AGBL4: variants seen among roughly 807,000 people sequenced by gnomAD.
The protein encoded by AGBL4 is AGBL carboxypeptidase 4, also known as cytosolic carboxypeptidase 6.
A neutral mutation model predicts 66.4 loss-of-function variants in AGBL4; 58 were observed. That is an observed-to-expected ratio of 0.87 (90% CI 0.71 to 1.09). The LOEUF is 1.09. Ranked by LOEUF, AGBL4 falls within the 50% of genes least tolerant of loss-of-function variation. The pLI, the probability that AGBL4 is intolerant of heterozygous loss-of-function variation, is 0.00. For synonymous variants in AGBL4, 234 were observed against 222.9 expected (o/e 1.05, Z -0.44); for missense variants, 579 against 631.0 (o/e 0.92, Z 0.88).
intron 3 of AGBL4, among the ~76,000 whole-genome samples, chr1:49,256,513 A>C (rs1002386177): frequency 6.6e-6 from 1 of 152,200 alleles, no homozygotes; most frequent in Non-Finnish European, 1.5e-5. Context: ...AAACTATAAA[A>C]CATTGTTGAG....
intron 2 of AGBL4, among the ~76,000 whole-genome samples, chr1:49,835,950 G>C (rs1645836810): frequency 6.6e-6 from 1 of 152,220 alleles, no homozygotes; most frequent in African/African-American, 2.4e-5. Flanking sequence ...GAGATCTGCT[G>C]TTAGTTTGAT....
At chr1:49,490,292 C>T (rs1647162386) in intron 3 of AGBL4, among the ~76,000 whole-genome samples, 1 of 151,668 alleles carries the variant, frequency 6.6e-6, no homozygotes, top group South Asian at 2.1e-4. Context: ...GATTTTGCTA[C>T]TTAAATCTGT....
intron 5 of AGBL4, among the ~76,000 whole-genome samples, chr1:48,940,467 T>C (rs1655872915): frequency 1.3e-5 from 2 of 152,300 alleles, no homozygotes; most frequent in South Asian, 4.1e-4. Flanking sequence ...AGACCAGAAC[T>C]AGATCCTTTC....
intron 6 of AGBL4, among the ~76,000 whole-genome samples, chr1:48,809,068 A>G (rs1406553765): frequency 1.3e-5 from 2 of 152,174 alleles, no homozygotes; most frequent in Non-Finnish European, 2.9e-5. Context: ...TTTTGTTCCC[A>G]TGAAGATCCG....
At chr1:49,770,347 C>A (rs1430623454) in intron 2 of AGBL4, among the ~76,000 whole-genome samples, 1 of 152,022 alleles carries the variant, frequency 6.6e-6, no homozygotes, top group Non-Finnish European at 1.5e-5. Context: ...TATGTTGAAC[C>A]ATCTTGTATC....
At chr1:48,569,223 C>T (rs1644522452) in intron 11 of AGBL4, among the ~76,000 whole-genome samples, 1 of 152,186 alleles carries the variant, frequency 6.6e-6, no homozygotes. Flanking sequence ...AGTTTGAGTT[C>T]ATAGAATGTC....
At chr1:49,332,319 A>G (rs1645350829) in intron 3 of AGBL4, among the ~76,000 whole-genome samples, 1 of 152,226 alleles carries the variant, frequency 6.6e-6, no homozygotes, top group South Asian at 2.1e-4. Context: ...GAATAAACAA[A>G]TAACTAGTAA....
intron 11 of AGBL4, among the ~76,000 whole-genome samples, chr1:48,571,194 T>A (rs1644558036): frequency 6.6e-6 from 1 of 152,228 alleles, no homozygotes; most frequent in Admixed American, 6.5e-5. Context: ...GTGAAGTAAC[T>A]TGCCCAAAGT....
chr1:48,541,670 G>A (rs1238129133), intron 11 of AGBL4, among the ~76,000 whole-genome samples: 1 of 152,176 alleles, frequency 6.6e-6, no homozygotes, highest in Non-Finnish European at 1.5e-5. Flanking sequence ...TGGGGAGGCT[G>A]AGGCAGGAGG....
At chr1:49,390,773 G>A (rs907457642) in intron 3 of AGBL4, among the ~76,000 whole-genome samples, 1 of 152,150 alleles carries the variant, frequency 6.6e-6, no homozygotes, top group Non-Finnish European at 1.5e-5. Flanking sequence ...TGGCCCACTA[G>A]CAACTACCTT....
intron 4 of AGBL4, among the ~76,000 whole-genome samples, chr1:49,046,759 C>T (rs941401423): frequency 2.0e-5 from 3 of 152,182 alleles, no homozygotes; most frequent in Admixed American, 6.5e-5. Context: ...TTCAGCTCCA[C>T]ATTTTGTGTA....
chr1:50,011,608 A>G (rs1219153133), intron 1 of AGBL4, among the ~76,000 whole-genome samples: 1 of 152,228 alleles, frequency 6.6e-6, no homozygotes, highest in African/African-American at 2.4e-5. Flanking sequence ...ATTGTTTACA[A>G]TAGCTAAGAT....
rs549714094 is a variant in AGBL4 at position 49,974,153 on chromosome 1, T to C, written c.34+49610A>G. On this transcript the variant is annotated intron_variant, in intron 1 of 13. Transcript: ENST00000371839. ...AGGAGAGCTATGATACATAAGAAAG[T>C]TTCATTGCTTTCAACTTAGTGCCCC... Among the ~76,000 whole-genome samples the C allele has an allele frequency of 4.6e-5, 7 of 152,170 alleles. No individual in the cohort carries two copies. In the East Asian group the frequency reaches 9.7e-4, roughly 21 times the overall value.
At chr1:48,641,878 T>A (rs1033938630) in intron 8 of AGBL4, among the ~76,000 whole-genome samples, 3 of 152,190 alleles carry the variant, frequency 2.0e-5, no homozygotes, top group African/African-American at 7.2e-5. Flanking sequence ...CTGTCCCTCA[T>A]GTGCAGTGAG....
intron 4 of AGBL4, among the ~76,000 whole-genome samples, chr1:49,072,014 CTT>C (rs1475940230): frequency 6.6e-6 from 1 of 152,066 alleles, no homozygotes; most frequent in Non-Finnish European, 1.5e-5. Context: ...TTCTTTGTCT[CTT>C]TTGGTCTTTG....
intron 2 of AGBL4, among the ~76,000 whole-genome samples, chr1:49,836,786 T>C (rs949441951): frequency 6.6e-6 from 1 of 152,358 alleles, no homozygotes. Flanking sequence ...TTTGTTGATG[T>C]TGATGCTATT....
At chr1:49,884,245 T>C (rs1387332687) in intron 1 of AGBL4, among the ~76,000 whole-genome samples, 1 of 151,972 alleles carries the variant, frequency 6.6e-6, no homozygotes, top group Non-Finnish European at 1.5e-5. Flanking sequence ...TAACATACTT[T>C]GTTAAGTAAT....
chr1:49,831,336 T>G (rs1273306948), intron 2 of AGBL4, among the ~76,000 whole-genome samples: 5 of 152,190 alleles, frequency 3.3e-5, no homozygotes, highest in Non-Finnish European at 7.3e-5. Context: ...CCCTTGTAAG[T>G]TGTATTCCTA....
rs879541846 is a variant in AGBL4, at chr1:49,856,989, CA to C, written c.35-5472del. 1.8e-3 allele frequency among the ~76,000 whole-genome samples: 235 copies of C among 129,732 alleles called. 1 individual carries two copies. Among genetic ancestry groups the C allele is most frequent in the East Asian group, 9.3e-3 (42 of 4,516 alleles). The allele number at this position is 129,732 out of a possible 152,430, so 85.1% of individuals were successfully genotyped here. ...ATTTAGAAAAACCTAAAGCTTCTGC[CA>C]AAAAAAAAAAACTGTTGAAACTGAT... On this transcript the variant is annotated intron_variant, in intron 1 of 13. Coordinates refer to ENST00000371839, the MANE Select transcript of AGBL4 (RefSeq NM_032785.4).
Sources: allele counts gnomAD v4.1 joint callset (sites outside exome capture counted in the v4.1 genomes callset), GRCh38; gene constraint gnomAD v4.1.1; transcripts MANE v1.5; gene names NCBI Gene and HGNC (gene_info 2026-07-23, HGNC 2026-07-21).